Variants in DEPTOR observed in about 807,000 individuals in gnomAD.
The protein encoded by DEPTOR is DEP domain containing MTOR interacting protein.
Under a neutral mutation model 41.6 loss-of-function variants are expected in DEPTOR, and 41 were observed. The ratio of observed to expected loss-of-function variants is 0.98; its 90% CI spans 0.77 to 1.28. The LOEUF is 1.28. DEPTOR is among the 50% of genes most tolerant of loss of function. The pLI, the probability that DEPTOR is intolerant of heterozygous loss-of-function variation, is 0.00. For missense variants in DEPTOR, 514 were observed against 527.9 expected, an observed-to-expected ratio of 0.97 and a Z score of 0.26; for synonymous variants, 195 against 192.3, an observed-to-expected ratio of 1.01 and a Z score of -0.12.
chr8:119,981,784 A>G (rs1828770262), intron 4 of DEPTOR, among the ~76,000 whole-genome samples: 1 of 152,074 alleles, frequency 6.6e-6, no homozygotes, highest in Non-Finnish European at 1.5e-5. Context: ...TGGGAAGCCA[A>G]GGCAGGCGAA....
chr8:120,014,908 C>CT (rs11373732), intron 8 of DEPTOR, among the ~76,000 whole-genome samples: 86,810 of 150,552 alleles, frequency 0.58, 25,409 homozygotes, highest in African/African-American at 0.69. Flanking sequence ...ATGATATAAT[C>CT]TTTTTTTTTT....
chr8:119,947,505 C>A (rs1828298481), intron 3 of DEPTOR, among the ~76,000 whole-genome samples: 1 of 152,172 alleles, frequency 6.6e-6, no homozygotes, highest in African/African-American at 2.4e-5. Flanking sequence ...AAGTTAGTCA[C>A]TGATGCTTTG....
intron 1 of DEPTOR, among the ~76,000 whole-genome samples, chr8:119,924,212 A>G (rs1004661543): frequency 6.6e-6 from 1 of 152,160 alleles, no homozygotes; most frequent in Admixed American, 6.5e-5. Flanking sequence ...TTCATTTCAC[A>G]TAGTCAGAGA....
intron 3 of DEPTOR, among the ~76,000 whole-genome samples, chr8:119,963,262 A>G (rs1207953286): frequency 6.6e-6 from 1 of 152,172 alleles, no homozygotes; most frequent in African/African-American, 2.4e-5. Flanking sequence ...AGTAAGAGGT[A>G]GGAGCAGAGG....
At chr8:119,896,041 G>A (rs1827516090) in intron 1 of DEPTOR, among the ~76,000 whole-genome samples, 1 of 148,504 alleles carries the variant, frequency 6.7e-6, no homozygotes, top group African/African-American at 2.4e-5. Context: ...TTCCTTGGGA[G>A]TAGGTTGTAA....
intron 4 of DEPTOR, among the ~76,000 whole-genome samples, chr8:120,000,261 A>G (rs1022037677): frequency 6.6e-6 from 1 of 152,048 alleles, no homozygotes; most frequent in Non-Finnish European, 1.5e-5. Context: ...TCATCACCTC[A>G]AAAAGAAATT....
intron 8 of DEPTOR, among the ~76,000 whole-genome samples, chr8:120,030,497 G>GTTTGT (rs1207108457): frequency 6.5e-5 from 3 of 46,216 alleles, no homozygotes; most frequent in East Asian, 1.3e-3. Flanking sequence ...AGGTTCATCA[G>GTTTGT]TTTTTTTTTT....
intron 8 of DEPTOR, among the ~76,000 whole-genome samples, chr8:120,014,435 C>A (rs774877015): frequency 2.0e-5 from 3 of 152,134 alleles, no homozygotes; most frequent in Non-Finnish European, 4.4e-5. Flanking sequence ...ATACTCATAT[C>A]CTAGAGGAAG....
At chr8:119,963,433 C>A (rs1224075739) in intron 3 of DEPTOR, among the ~76,000 whole-genome samples, 1 of 152,106 alleles carries the variant, frequency 6.6e-6, no homozygotes, top group African/African-American at 2.4e-5. Flanking sequence ...TCACTGCAAC[C>A]TCTGCCTCTG....
At chr8:119,936,002 T>TG (rs1285042757) in intron 3 of DEPTOR, among the ~76,000 whole-genome samples, 1 of 147,596 alleles carries the variant, frequency 6.8e-6, no homozygotes. Flanking sequence ...TCTAGTTGTT[T>TG]TTTTTTTTTT....
intron 4 of DEPTOR, among the ~76,000 whole-genome samples, chr8:119,998,585 T>C (rs1365430725): frequency 4.6e-5 from 7 of 152,138 alleles, no homozygotes; most frequent in Admixed American, 4.6e-4. Context: ...ACAGAAATGA[T>C]CCAGGAACAT....
chr8:120,039,514 G>T (rs1200746145), intron 8 of DEPTOR, among the ~76,000 whole-genome samples: 2 of 151,966 alleles, frequency 1.3e-5, no homozygotes, highest in Non-Finnish European at 2.9e-5. Flanking sequence ...AAAGCCAGAT[G>T]TGTGATTTGG....
intron 8 of DEPTOR, among the ~76,000 whole-genome samples, chr8:120,035,333 GAAAGA>G (rs1812964304): frequency 3.3e-5 from 2 of 61,518 alleles, no homozygotes; most frequent in East Asian, 5.1e-4. Flanking sequence ...AAAAAAGAAA[GAAAGA>G]AAGAAAGAAA....
intron 4 of DEPTOR, among the ~76,000 whole-genome samples, chr8:119,970,551 A>G (rs1427937846): frequency 1.3e-5 from 2 of 152,126 alleles, no homozygotes; most frequent in Non-Finnish European, 2.9e-5. Context: ...TTTTTCACCT[A>G]CTAAGTGGCC....
At chr8:119,985,252 C>T (rs747521679) in intron 4 of DEPTOR, among the ~76,000 whole-genome samples, 3 of 152,176 alleles carry the variant, frequency 2.0e-5, no homozygotes, top group Non-Finnish European at 4.4e-5. Flanking sequence ...GCCATTCTAA[C>T]TGGCATGAGA....
At chr8:120,030,497 G>GTTTTTTTTTTTTTTTGTTTTTTTT (rs1812871551) in intron 8 of DEPTOR, among the ~76,000 whole-genome samples, 1 of 46,216 alleles carries the variant, frequency 2.2e-5, no homozygotes, top group Non-Finnish European at 3.7e-5. Flanking sequence ...AGGTTCATCA[G>GTTTTTTTTTTTTTTTGTTTTTTTT]TTTTTTTTTT....
chr8:119,882,037 A>T (rs1231316124), intron 1 of DEPTOR, among the ~76,000 whole-genome samples: 1 of 152,000 alleles, frequency 6.6e-6, no homozygotes, highest in Non-Finnish European at 1.5e-5. Context: ...ATTACAGGCA[A>T]GCGCCACCAC....
intron 1 of DEPTOR, among the ~76,000 whole-genome samples, chr8:119,896,544 A>G (rs1002387840): frequency 6.6e-6 from 1 of 152,048 alleles, no homozygotes; most frequent in Non-Finnish European, 1.5e-5. Flanking sequence ...CTGTTGCCCA[A>G]GCTGGAGTGC....
In DEPTOR at chr8:119,944,120, G is replaced by A. The variant is rs111870815; in HGVS notation, c.425+14182G>A. ...CTCCCAAAGTGCTGGGATTACAGGC[G>A]TTAGCCACCGCTCTGGGCCTAAATT... On this transcript the variant is annotated intron_variant, in intron 3 of 8. Transcript: ENST00000286234. Among the ~76,000 whole-genome samples, 390 of 152,242 alleles carry A rather than the reference G, an allele frequency of 2.6e-3. 1 individual carries two copies. Among genetic ancestry groups the A allele is most frequent in the African/African-American group, 8.7e-3 (361 of 41,556 alleles).
Sources: gnomAD v4.1 joint callset for allele counts (sites outside exome capture counted in the v4.1 genomes callset) on GRCh38, gnomAD v4.1.1 for gene constraint, MANE v1.5 for transcripts, NCBI Gene and HGNC (gene_info 2026-07-23, HGNC 2026-07-21) for gene names.